Variants in DYM observed in about 807,000 individuals in gnomAD.
DYM encodes dymeclin, also known as dyggve-Melchior-Clausen syndrome protein.
Under a neutral mutation model 93.1 loss-of-function variants are expected in DYM, and 78 were observed. The ratio of observed to expected loss-of-function variants is 0.84; its 90% CI spans 0.70 to 1.01. The LOEUF (loss-of-function observed/expected upper bound fraction) is 1.01. DYM is among the 50% of genes least tolerant of loss of function. The pLI, the probability that DYM is intolerant of heterozygous loss-of-function variation, is 0.00. For synonymous variants in DYM, 321 were observed against 319.7 expected (o/e 1.00, Z -0.04); for missense variants, 789 against 845.0 (o/e 0.93, Z 0.82).
At chr18:49,234,742 A>G (rs1434033236) in intron 13 of DYM, among the ~76,000 whole-genome samples, 1 of 152,228 alleles carries the variant, frequency 6.6e-6, no homozygotes, top group African/African-American at 2.4e-5. Flanking sequence ...TTGTCCTTAA[A>G]ACCGGGAGAC....
chr18:49,357,419 T>C (rs1165860895), intron 6 of DYM, among the ~76,000 whole-genome samples: 1 of 152,210 alleles, frequency 6.6e-6, no homozygotes, highest in Non-Finnish European at 1.5e-5. Flanking sequence ...ACTCAGCATT[T>C]ATAACTAATT....
At chr18:49,455,172 A>C (rs952923748) in intron 1 of DYM, among the ~76,000 whole-genome samples, 2 of 152,184 alleles carry the variant, frequency 1.3e-5, no homozygotes, top group African/African-American at 4.8e-5. Flanking sequence ...CCTCCCTAAG[A>C]CTTCCAGATT....
rs796724873 is a variant in DYM, at chr18:49,328,596, TCAAA to T, written c.763+3264_763+3267del. ...TTAAACAAATTTACAAGAAAAAAAATCAAACAACCCCATCAAAAAGTGGGCAAAG... is the reference window on the plus strand; with the variant it reads ...TTAAACAAATTTACAAGAAAAAAAATCAACCCCATCAAAAAGTGGGCAAAG... On this transcript the variant is annotated intron_variant, in intron 8 of 17. Transcript: ENST00000675505. Among the ~76,000 whole-genome samples, 115 of 151,652 alleles carry T rather than the reference TCAAA, an allele frequency of 7.6e-4. 2 individuals carry two copies. The highest frequency in any genetic ancestry group is 2.7e-3 in the African/African-American group (112 of 41,350).
intron 6 of DYM, among the ~76,000 whole-genome samples, chr18:49,352,926 C>A (rs2065235377): frequency 6.6e-6 from 1 of 151,894 alleles, no homozygotes; most frequent in South Asian, 2.1e-4. Context: ...TACAATATAT[C>A]TACTGCAAAT....
chr18:49,230,546 AATGAG>A (rs979008142), intron 13 of DYM, among the ~76,000 whole-genome samples: 3 of 152,114 alleles, frequency 2.0e-5, no homozygotes, highest in Non-Finnish European at 4.4e-5. Context: ...GCTATACTGA[AATGAG>A]ATAAGTTCCT....
At chr18:49,297,517 A>T (rs999860942) in intron 8 of DYM, among the ~76,000 whole-genome samples, 1 of 152,206 alleles carries the variant, frequency 6.6e-6, no homozygotes, top group Non-Finnish European at 1.5e-5. Flanking sequence ...TACTTGAGCC[A>T]CATGCTAATT....
At chr18:49,112,535 C>T (rs2081517612) in intron 16 of DYM, among the ~76,000 whole-genome samples, 1 of 152,026 alleles carries the variant, frequency 6.6e-6, no homozygotes, top group Non-Finnish European at 1.5e-5. Context: ...TGTCCTGTGA[C>T]CTCAGCTCAT....
At chr18:49,187,076 C>A (rs1398532932) in intron 14 of DYM, among the ~76,000 whole-genome samples, 1 of 152,034 alleles carries the variant, frequency 6.6e-6, no homozygotes, top group African/African-American at 2.4e-5. Flanking sequence ...CCTGCCACCA[C>A]ACCCAGCTAA....
intron 14 of DYM, among the ~76,000 whole-genome samples, chr18:49,198,691 C>T (rs1042925339): frequency 6.6e-6 from 1 of 151,230 alleles, no homozygotes. Context: ...CCATCTCACA[C>T]CAGTTAGAAT....
chr18:49,392,210 CAG>C (rs1373346685), intron 2 of DYM, among the ~76,000 whole-genome samples: 1 of 151,974 alleles, frequency 6.6e-6, no homozygotes, highest in Non-Finnish European at 1.5e-5. Flanking sequence ...CAAGATGACA[CAG>C]AGAAAAGAGG....
intron 6 of DYM, among the ~76,000 whole-genome samples, chr18:49,342,046 G>C (rs995364231): frequency 6.6e-6 from 1 of 152,172 alleles, no homozygotes; most frequent in African/African-American, 2.4e-5. Flanking sequence ...TAAAATCCAG[G>C]TGTCGGCAAG....
intron 14 of DYM, among the ~76,000 whole-genome samples, chr18:49,203,899 C>T (rs4939850): frequency 4.8e-5 from 5 of 104,590 alleles, no homozygotes; most frequent in East Asian, 3.3e-4. Flanking sequence ...AAAAAAAAAA[C>T]AACTCTGGGT....
Position 49,042,865 on chromosome 18 carries a change from C to G in DYM, c.*1190G>C, listed in dbSNP as rs1316382924. 1 of 152,216 alleles carries G rather than the reference C, an allele frequency of 6.6e-6. No homozygotes were observed. Among genetic ancestry groups the G allele is most frequent in the African/African-American group, 2.4e-5 (1 of 41,446 alleles). The allele number at this position is 152,216 out of a possible 1,614,324, so 9.4% of individuals were successfully genotyped here. A position where few individuals can be genotyped will look rare whatever the true frequency, so the allele number is the denominator to read the frequency against. ...CTCAGGCACCAACACACGGATCACACCGGCCCAGAAACAAAGAGCAAAACA... is the reference window on the plus strand; with the variant it reads ...CTCAGGCACCAACACACGGATCACAGCGGCCCAGAAACAAAGAGCAAAACA... On this transcript the variant is annotated 3_prime_UTR_variant, in exon 18 of 18. Transcript: ENST00000675505.
At chr18:49,266,863 A>G (rs2145401883) in intron 11 of DYM, among the ~76,000 whole-genome samples, 1 of 152,308 alleles carries the variant, frequency 6.6e-6, no homozygotes, top group African/African-American at 2.4e-5. Context: ...CCTATTGTCC[A>G]AAGTCTGAAA....
chr18:49,457,182 A>T (rs1016023515), intron 1 of DYM, among the ~76,000 whole-genome samples: 1 of 152,194 alleles, frequency 6.6e-6, no homozygotes, highest in Admixed American at 6.5e-5. Flanking sequence ...TTCTGCCTGA[A>T]GATATTCTCT....
chr18:49,242,961 A>G (rs1190463399), intron 13 of DYM, among the ~76,000 whole-genome samples: 4 of 152,186 alleles, frequency 2.6e-5, no homozygotes, highest in Middle Eastern at 3.4e-3. Context: ...CGGCCTCCCA[A>G]AGTGCTGGGA....
intron 13 of DYM, among the ~76,000 whole-genome samples, chr18:49,213,328 G>A (rs953957000): frequency 1.5e-5 from 2 of 130,310 alleles, no homozygotes; most frequent in African/African-American, 6.2e-5. Context: ...ATGGAGTTTT[G>A]CCCTGTTGCC....
intron 9 of DYM, among the ~76,000 whole-genome samples, chr18:49,284,563 G>T (rs1349204359): frequency 1.3e-5 from 2 of 152,076 alleles, no homozygotes; most frequent in Admixed American, 1.3e-4. Context: ...TACCTTGCTT[G>T]GTCTTTATAC....
chr18:49,392,550 T>C (rs1046581874), intron 2 of DYM, among the ~76,000 whole-genome samples: 3 of 151,864 alleles, frequency 2.0e-5, no homozygotes, highest in Non-Finnish European at 2.9e-5. Context: ...ACGACTTAAA[T>C]AGCCATTTTC....
Sources: allele counts gnomAD v4.1 joint callset (sites outside exome capture counted in the v4.1 genomes callset), GRCh38; gene constraint gnomAD v4.1.1; transcripts MANE v1.5; gene names NCBI Gene and HGNC (gene_info 2026-07-23, HGNC 2026-07-21).